Variants in SLC12A8 observed in about 807,000 individuals in gnomAD.
SLC12A8 encodes solute carrier family 12 member 8, also known as cation-chloride cotransporter 9.
SLC12A8 carries 69 observed loss-of-function variants against 75.6 expected under a neutral mutation model. That is an observed-to-expected ratio of 0.91 (90% CI 0.75 to 1.11). SLC12A8 has a LOEUF of 1.11. Ranked by LOEUF, SLC12A8 falls within the 50% of genes most tolerant of loss-of-function variation. The pLI, the probability that SLC12A8 is intolerant of heterozygous loss-of-function variation, is 0.00. For missense variants in SLC12A8, 877 were observed against 896.7 expected (o/e 0.98, Z 0.28); for synonymous variants, 365 against 372.8 (o/e 0.98, Z 0.24).
At chr3:125,109,420 A>T (rs904440750) in intron 9 of SLC12A8, among the ~76,000 whole-genome samples, 1 of 152,210 alleles carries the variant, frequency 6.6e-6, no homozygotes, top group Non-Finnish European at 1.5e-5. Flanking sequence ...CCAAAACCAA[A>T]CTGCATTTTT....
At chr3:125,150,719 G>T (rs7634448) in intron 5 of SLC12A8, among the ~76,000 whole-genome samples, 1 of 152,068 alleles carries the variant, frequency 6.6e-6, no homozygotes. Context: ...TGTACACTAG[G>T]GGGTAGGACT....
intron 2 of SLC12A8, among the ~76,000 whole-genome samples, chr3:125,203,067 G>C (rs1192421271): frequency 7.8e-6 from 1 of 127,424 alleles, no homozygotes; most frequent in Non-Finnish European, 1.6e-5. Context: ...TAGCCTGGGG[G>C]ACAAGAGCGA....
intron 5 of SLC12A8, chr3:125,151,660 C>T (rs997100116): frequency 2.6e-5 from 4 of 152,266 alleles, no homozygotes; most frequent in Admixed American, 6.5e-5. Flanking sequence ...GATTGCAGAT[C>T]CTCCGCCCAG....
intron 10 of SLC12A8, among the ~76,000 whole-genome samples, chr3:125,102,786 G>C (rs1389213277): frequency 6.6e-6 from 1 of 152,170 alleles, no homozygotes; most frequent in African/African-American, 2.4e-5. Flanking sequence ...AACACGAAGA[G>C]AATGAGAGAG....
At chr3:125,182,567 C>T (rs1256331571) in intron 4 of SLC12A8, among the ~76,000 whole-genome samples, 2 of 150,068 alleles carry the variant, frequency 1.3e-5, no homozygotes, top group East Asian at 2.0e-4. Context: ...AGTGCAGCGG[C>T]GTGATCTCAG....
chr3:125,142,691 G>A (rs569402065), intron 5 of SLC12A8, among the ~76,000 whole-genome samples: 1 of 152,348 alleles, frequency 6.6e-6, no homozygotes, highest in Non-Finnish European at 1.5e-5. Context: ...ATGGGCCAGA[G>A]ACCCAGCCTT....
intron 5 of SLC12A8, among the ~76,000 whole-genome samples, chr3:125,166,317 C>A (rs571838611): frequency 3.1e-4 from 26 of 83,140 alleles, no homozygotes; most frequent in African/African-American, 7.3e-4. Flanking sequence ...CCATACCCCA[C>A]CCCCATCTCG....
At chr3:125,110,393 C>G (rs1009846555) in intron 8 of SLC12A8, 58 bp from the exon 9 acceptor site, 15 of 1,552,220 alleles carry the variant, frequency 9.7e-6, no homozygotes, top group East Asian at 2.3e-5. Context: ...GCCTTTCTAC[C>G]CCCCCAGCAC....
Position 125,109,081 on chromosome 3 carries a change from C to T in SLC12A8, c.1060-955G>A, listed in dbSNP as rs944783045. 3.3e-5 allele frequency among the ~76,000 whole-genome samples: 5 copies of T among 152,200 alleles called. 1 individual carries two copies. In the South Asian group the frequency reaches 1.0e-3, roughly 32 times the overall value. On this transcript the variant is annotated intron_variant, in intron 9 of 13. Transcript: ENST00000469902. ...GTCTTCTTTAACCCAGCTGGCTACTCAGTCCTCTTCGAAACACTTTCTTCA... is the reference window on the plus strand; with the variant it reads ...GTCTTCTTTAACCCAGCTGGCTACTTAGTCCTCTTCGAAACACTTTCTTCA...
At chr3:125,173,181 A>C (rs1394119985) in intron 5 of SLC12A8, among the ~76,000 whole-genome samples, 1 of 152,202 alleles carries the variant, frequency 6.6e-6, no homozygotes, top group East Asian at 1.9e-4. Context: ...CTCCATCTCA[A>C]AAAAACAAAC....
At chr3:125,087,830 A>G (rs1006188143) in intron 13 of SLC12A8, among the ~76,000 whole-genome samples, 8 of 152,120 alleles carry the variant, frequency 5.3e-5, no homozygotes, top group African/African-American at 1.7e-4. Context: ...GTCCCACAGA[A>G]ATCCTCCAGG....
Position 125,090,408 on chromosome 3 carries a change from G to C in SLC12A8, c.1921+1031C>G, listed in dbSNP as rs550599802. 2.6e-5 allele frequency among the ~76,000 whole-genome samples: 4 copies of C among 152,300 alleles called. No homozygotes were observed. In the South Asian group the frequency reaches 8.3e-4, roughly 32 times the overall value. The stretch of plus-strand genomic sequence containing the variant: ...ACATATATTCTGCTGTTTTGGGGTA[G>C]AATGTTCTCTAACTGTCAATTAAGC... On this transcript the variant is annotated intron_variant, in intron 12 of 13. Transcript: ENST00000469902.
At chr3:125,102,770 C>A (rs1168019173) in intron 10 of SLC12A8, among the ~76,000 whole-genome samples, 1 of 152,104 alleles carries the variant, frequency 6.6e-6, no homozygotes, top group African/African-American at 2.4e-5. Flanking sequence ...CAGACATAAA[C>A]CCACAAACAC....
intron 2 of SLC12A8, among the ~76,000 whole-genome samples, chr3:125,206,114 A>C (rs1935221835): frequency 6.6e-6 from 1 of 152,250 alleles, no homozygotes; most frequent in South Asian, 2.1e-4. Flanking sequence ...GCTGAGGCTC[A>C]CATAGCTTTT....
intron 10 of SLC12A8, among the ~76,000 whole-genome samples, chr3:125,103,659 G>A (rs1270055466): frequency 1.3e-5 from 2 of 151,780 alleles, no homozygotes; most frequent in Non-Finnish European, 2.9e-5. Flanking sequence ...TAGACACAGG[G>A]TCTCAATATG....
In SLC12A8 at chr3:125,082,849, C is replaced by G. The variant is rs1336149562; in HGVS notation, c.*1041G>C. The G allele has an allele frequency of 1.3e-5, 2 of 152,078 alleles. No homozygotes were observed. The highest frequency in any genetic ancestry group is 2.9e-5 in the Non-Finnish European group (2 of 68,040). 9.4% of individuals were successfully genotyped at this position (152,078 alleles called of 1,614,324 possible). A position where few individuals can be genotyped will look rare whatever the true frequency, so the allele number is the denominator to read the frequency against. On this transcript the variant is annotated 3_prime_UTR_variant, in exon 14 of 14. Coordinates refer to ENST00000469902, the MANE Select transcript of SLC12A8 (RefSeq NM_024628.6). ...AATCCAAATGCTCATCATTGTGGAA[C>G]TGGCGAAATAAATTATAACACATTT...
intron 8 of SLC12A8, 156 bp from the exon 9 acceptor site, chr3:125,110,491 C>T: frequency 1.6e-6 from 1 of 610,216 alleles, no homozygotes; most frequent in South Asian, 2.6e-5. Flanking sequence ...GCCTCGCCCC[C>T]ATTCATTCCA....
intron 5 of SLC12A8, among the ~76,000 whole-genome samples, chr3:125,159,142 T>A (rs967245899): frequency 3.9e-5 from 6 of 152,362 alleles, no homozygotes; most frequent in African/African-American, 7.2e-5. Context: ...TAATTAAAAA[T>A]TTTTTAAGTA....
At chr3:125,186,545 T>C (rs780116413) in intron 4 of SLC12A8, among the ~76,000 whole-genome samples, 2 of 152,240 alleles carry the variant, frequency 1.3e-5, no homozygotes, top group Non-Finnish European at 2.9e-5. Flanking sequence ...ATAAAAGCCT[T>C]TTTCAATCCA....
Sources: gnomAD v4.1 joint callset for allele counts (sites outside exome capture counted in the v4.1 genomes callset) on GRCh38, gnomAD v4.1.1 for gene constraint, MANE v1.5 for transcripts, NCBI Gene and HGNC (gene_info 2026-07-23, HGNC 2026-07-21) for gene names.